The following ARHGEF4 variants were observed in gnomAD, a reference collection of about 807,000 sequenced individuals.
ARHGEF4 encodes Rho guanine nucleotide exchange factor 4, also known as APC-stimulated guanine nucleotide exchange factor 1.
Under a neutral mutation model 162.0 loss-of-function variants are expected in ARHGEF4, and 119 were observed. The observed-to-expected ratio is 0.73, with a 90% confidence interval of 0.63 to 0.86. The LOEUF (loss-of-function observed/expected upper bound fraction) is 0.86. Ranked by LOEUF, ARHGEF4 falls within the 40% of genes least tolerant of loss-of-function variation. The pLI is 0.00. For synonymous variants in ARHGEF4, 1,014 were observed against 979.9 expected (o/e 1.03, Z -0.65); for missense variants, 2,488 against 2,456.0 (o/e 1.01, Z -0.28).
chr2:131,046,276 C>G lies in ARHGEF4; in HGVS notation c.*87C>G. On this transcript the variant is annotated 3_prime_UTR_variant, in exon 14 of 14. Transcript: ENST00000409359. Reference sequence around the variant, plus strand: ...CCCGAGGCCCACTCGGCCTGGCCTTCCTCTGCCTGCAAGTGAGCAGGGATG... The same window carrying G: ...CCCGAGGCCCACTCGGCCTGGCCTTGCTCTGCCTGCAAGTGAGCAGGGATG... 7.2e-7 allele frequency: 1 copy of G among 1,383,174 alleles called. No individual in the cohort carries two copies. Among genetic ancestry groups the G allele is most frequent in the Non-Finnish European group, 9.9e-7 (1 of 1,014,760 alleles). The allele number at this position is 1,383,174 out of a possible 1,614,324, so 85.7% of individuals were successfully genotyped here. A position where few individuals can be genotyped will look rare whatever the true frequency, so the allele number is the denominator to read the frequency against.
intron 12 of ARHGEF4, among the ~76,000 whole-genome samples, 166 bp from the exon 13 acceptor site, chr2:131,045,203 G>A (rs558204256): frequency 8.5e-5 from 13 of 152,322 alleles, no homozygotes; most frequent in Non-Finnish European, 1.8e-4. Flanking sequence ...GCCCTGGTTG[G>A]CCAAGGCAGG....
intron 8 of ARHGEF4, 43 bp downstream of exon 8, chr2:131,040,483 C>G: frequency 6.7e-7 from 1 of 1,490,900 alleles, no homozygotes; most frequent in Non-Finnish European, 8.9e-7. Flanking sequence ...GCTGCGTTCA[C>G]AGAGGCTGCC....
intron 5 of ARHGEF4, among the ~76,000 whole-genome samples, chr2:131,036,321 G>A (rs1034425107): frequency 6.6e-6 from 1 of 152,226 alleles, no homozygotes; most frequent in Admixed American, 6.5e-5. Context: ...AGTACCTCCC[G>A]AGTGGGAGGC....
chr2:131,038,852 G>C lies in ARHGEF4; in HGVS notation c.4126-1G>C. On this transcript the variant is annotated splice_acceptor_variant, in intron 5 of 13. Coordinates refer to ENST00000409359, the MANE Select transcript of ARHGEF4 (RefSeq NM_001367493.1). LOFTEE classifies it high-confidence loss of function. ...CCGCCTGCCCGTGGCTCTCTCGGCA[G>C]CTCATCAGCGATGGCAGTGTGGTCT... The C allele has an allele frequency of 6.2e-7, 1 of 1,604,218 alleles. No homozygotes were observed. Among genetic ancestry groups the C allele is most frequent in the East Asian group, 2.2e-5 (1 of 44,652 alleles).
chr2:130,988,949 A>G (rs963975007), intron 4 of ARHGEF4, among the ~76,000 whole-genome samples: 2 of 149,150 alleles, frequency 1.3e-5, no homozygotes, highest in Non-Finnish European at 3.0e-5. Flanking sequence ...GATTCCAAAA[A>G]TATAATTATT....
chr2:130,931,624 C>T (rs4557026), intron 3 of ARHGEF4, among the ~76,000 whole-genome samples: 88,334 of 152,190 alleles, frequency 0.58, 29,799 homozygotes, highest in East Asian at 0.84. Context: ...GGCTCTGCCA[C>T]TCACAGAGGC....
intron 4 of ARHGEF4, among the ~76,000 whole-genome samples, chr2:130,980,214 T>C (rs928628507): frequency 6.6e-6 from 1 of 152,084 alleles, no homozygotes; most frequent in Non-Finnish European, 1.5e-5. Context: ...TTGGCCAACA[T>C]GGTGAAACCC....
At chr2:130,849,112 C>A (rs1681206739) in intron 1 of ARHGEF4, among the ~76,000 whole-genome samples, 1 of 152,182 alleles carries the variant, frequency 6.6e-6, no homozygotes, top group Non-Finnish European at 1.5e-5. Context: ...TCCCACCCTC[C>A]CTTGGGATCT....
intron 4 of ARHGEF4, among the ~76,000 whole-genome samples, chr2:131,022,387 G>A (rs1236721170): frequency 1.3e-5 from 2 of 151,996 alleles, no homozygotes; most frequent in African/African-American, 4.8e-5. Context: ...AGTTTTGGTA[G>A]ATTATGTGTT....
In ARHGEF4 at chr2:130,914,556, G is replaced by A. The variant is rs1024125500; in HGVS notation, c.610G>A (p.Asp204Asn). 1 of 1,406,148 alleles carries A rather than the reference G, an allele frequency of 7.1e-7. No individual in the cohort carries two copies. Among genetic ancestry groups the A allele is most frequent in the South Asian group, 1.7e-5 (1 of 58,622 alleles). 87.1% of individuals were successfully genotyped at this position (1,406,148 alleles called of 1,614,324 possible). A position where few individuals can be genotyped will look rare whatever the true frequency, so the allele number is the denominator to read the frequency against. The change falls in exon 2 of 14, where the codon GAC (aspartate) becomes AAC (asparagine). Residue 204 changes from aspartate (D) to asparagine (N), a missense_variant. This residue lies in a region of ARHGEF4 where 81 missense variants were observed against 125.8 expected (regional missense o/e 0.64). Coordinates refer to ENST00000409359, the MANE Select transcript of ARHGEF4 (RefSeq NM_001367493.1). ...GCCAGTACAGGGGGTGGCTGTTCAAGACCTCAGAGGGCTCTCCAGTGTTTC... is the reference window on the plus strand; with the variant it reads ...GCCAGTACAGGGGGTGGCTGTTCAAAACCTCAGAGGGCTCTCCAGTGTTTC... Reference protein sequence around the residue: ...PEPVQGVAVQDLRGLSSVSLQ... With the variant: ...PEPVQGVAVQNLRGLSSVSLQ...
At chr2:130,966,499 C>T (rs72861481) in intron 4 of ARHGEF4, among the ~76,000 whole-genome samples, 22,063 of 152,222 alleles carry the variant, frequency 0.14, 1,957 homozygotes, top group South Asian at 0.28. Context: ...ATGCCAGGCA[C>T]AATATTCCCT....
At chr2:130,922,505 A>G (rs1681935862) in intron 2 of ARHGEF4, among the ~76,000 whole-genome samples, 1 of 152,256 alleles carries the variant, frequency 6.6e-6, no homozygotes, top group South Asian at 2.1e-4. Context: ...AGGAGGAATC[A>G]GGAGAGGGAG....
At chr2:130,864,034 A>C (rs1178259902) in intron 1 of ARHGEF4, among the ~76,000 whole-genome samples, 9 of 148,932 alleles carry the variant, frequency 6.0e-5, no homozygotes, top group Non-Finnish European at 1.3e-4. Context: ...AATACAAAAA[A>C]AATTAGCTGG....
intron 4 of ARHGEF4, among the ~76,000 whole-genome samples, chr2:131,001,730 C>T (rs957876194): frequency 3.9e-5 from 6 of 152,134 alleles, no homozygotes; most frequent in Admixed American, 6.5e-5. Flanking sequence ...AACATGGAAA[C>T]GGCAGACTTC....
rs184744545 is a variant in ARHGEF4 at position 130,977,287 on chromosome 2, G to A, written c.3985+30652G>A. Among the ~76,000 whole-genome samples the A allele has an allele frequency of 3.9e-4, 59 of 152,048 alleles. No individual in the cohort carries two copies. In the East Asian group the frequency reaches 9.3e-3, roughly 24 times the overall value. On this transcript the variant is annotated intron_variant, in intron 4 of 13. Transcript: ENST00000409359. ...TGGTATGTGCTAGTGTGGTGTGTCA[G>A]TGTTAGTATGCATAGTGTGTGTTTG... is the stretch of plus-strand genomic sequence containing the variant.
chr2:130,984,669 A>G (rs1448793153), intron 4 of ARHGEF4, among the ~76,000 whole-genome samples: 3 of 148,694 alleles, frequency 2.0e-5, no homozygotes, highest in African/African-American at 7.5e-5. Context: ...AGCCTAGTTG[A>G]CAGAGCAAGG....
At chr2:130,911,213 G>A (rs1008230709) in intron 1 of ARHGEF4, among the ~76,000 whole-genome samples, 2 of 152,174 alleles carry the variant, frequency 1.3e-5, no homozygotes, top group African/African-American at 2.4e-5. Flanking sequence ...AGTTCACCCT[G>A]CTGTGGAACA....
At chr2:130,868,244 CT>C (rs1386175393) in intron 1 of ARHGEF4, among the ~76,000 whole-genome samples, 1 of 152,058 alleles carries the variant, frequency 6.6e-6, no homozygotes, top group African/African-American at 2.4e-5. Context: ...TGTGCTTTTA[CT>C]GCATCTGGAC....
At chr2:130,892,897 C>T (rs911291029) in intron 1 of ARHGEF4, among the ~76,000 whole-genome samples, 1 of 152,244 alleles carries the variant, frequency 6.6e-6, no homozygotes, top group Non-Finnish European at 1.5e-5. Flanking sequence ...AAGGGCTTCC[C>T]TGTCCCCACC....
Sources: gnomAD v4.1 joint callset for allele counts (sites outside exome capture counted in the v4.1 genomes callset) on GRCh38, gnomAD v4.1.1 for gene constraint, gnomAD v4.1.1 regional missense constraint, MANE v1.5 for transcripts, NCBI Gene and HGNC (gene_info 2026-07-23, HGNC 2026-07-21) for gene names.